Variants in NUAK2 observed in about 807,000 individuals in gnomAD.
NUAK2 encodes the protein NUAK family SNF1-like kinase 2.
NUAK2 carries 20 observed loss-of-function variants against 29.8 expected under a neutral mutation model. The ratio of observed to expected loss-of-function variants is 0.67; its 90% CI spans 0.47 to 0.98. The LOEUF is 0.98. Among genes scored for constraint, NUAK2 ranks in the 50% least tolerant of loss-of-function variants. NUAK2 has a pLI of 0.00. For missense variants in NUAK2, 719 were observed against 834.5 expected (o/e 0.86, Z 1.71); for synonymous variants, 331 against 342.6 (o/e 0.97, Z 0.37).
rs767475839 is a variant in NUAK2 at position 205,304,041 on chromosome 1, G to A, written c.1296C>T (p.Ile432=). The part of the protein sequence containing the change: ...VQEDPPELSP[I]PASPGQAAPL... Reference sequence around the variant, plus strand: ...GGGCAGCCTGCCCTGGGCTCGCAGGGATTGGGCTGAGCTCCGGAGGGTCCT... The same window carrying A: ...GGGCAGCCTGCCCTGGGCTCGCAGGAATTGGGCTGAGCTCCGGAGGGTCCT... The change falls in exon 7 of 7, where the codon ATC becomes ATT. Residue 432 remains isoleucine (I), a synonymous_variant. Coordinates refer to ENST00000367157, the MANE Select transcript of NUAK2 (RefSeq NM_030952.3). The surrounding 1 kb of genome is among the most constrained non-coding windows in gnomAD (Gnocchi z 6.5). 5 of 1,614,080 alleles carry A rather than the reference G, an allele frequency of 3.1e-6. No homozygotes were observed. The highest frequency in any genetic ancestry group is 4.2e-6 in the Non-Finnish European group (5 of 1,179,990).
chr1:205,307,325 C>A (rs1662195311), intron 4 of NUAK2, among the ~76,000 whole-genome samples: 1 of 152,190 alleles, frequency 6.6e-6, no homozygotes, highest in Non-Finnish European at 1.5e-5. Flanking sequence ...TAGGAAAGTT[C>A]ATGCCTGTCC....
intron 1 of NUAK2, among the ~76,000 whole-genome samples, chr1:205,312,465 C>T (rs1057057681): frequency 1.3e-5 from 2 of 152,172 alleles, no homozygotes; most frequent in African/African-American, 4.8e-5. Context: ...AGCAATCAGT[C>T]CCTAGCCACA....
chr1:205,303,159 GC>G lies in NUAK2; in HGVS notation c.*290del, dbSNP rs376692630. ...AGAGTTCTCTTTCCAGGTCTCTGTG[GC>G]CCCCCCATGTACACAAGAAACAGGC... On this transcript the variant is annotated 3_prime_UTR_variant, in exon 7 of 7. Transcript: ENST00000367157. 206 of 241,708 alleles carry G rather than the reference GC, an allele frequency of 8.5e-4. No homozygotes were observed. Among genetic ancestry groups the G allele is most frequent in the African/African-American group, 4.4e-3 (198 of 44,514 alleles). The allele number at this position is 241,708 out of a possible 1,614,324, so 15.0% of individuals were successfully genotyped here.
At chr1:205,320,366 G>A in intron 1 of NUAK2, among the ~76,000 whole-genome samples, 1 of 152,220 alleles carries the variant, frequency 6.6e-6, no homozygotes, top group Non-Finnish European at 1.5e-5. Context: ...CTGGGTTCAG[G>A]CCATTCTCCT....
rs1368345074 is a variant in NUAK2, at chr1:205,311,825, C to T, written c.232G>A (p.Val78Met). Residue 78 changes from valine to methionine, a missense_variant and splice_region_variant, in exon 2 of 7, where the codon GTG becomes ATG. This residue lies in a region of NUAK2 where 283 missense variants were observed against 345.6 expected (regional missense o/e 0.82). Transcript: ENST00000367157. Reference protein sequence around the residue: ...KKARESSGRLVAIKSIRKDKI... With the variant: ...KKARESSGRLMAIKSIRKDKI... ...TCCTTCCGGATTGACTTGATGGCCA[C>T]CTGGGAAGAGAAGGCATGAGAGTGA... The T allele has an allele frequency of 6.2e-7, 1 of 1,613,710 alleles. No individual in the cohort carries two copies.
chr1:205,321,698 C>G lies in NUAK2; in HGVS notation c.-70G>C. 3 of 1,287,788 alleles carry G rather than the reference C, an allele frequency of 2.3e-6. No individual in the cohort carries two copies. Among genetic ancestry groups the G allele is most frequent in the Non-Finnish European group, 3.2e-6 (3 of 923,908 alleles). 79.8% of individuals were successfully genotyped at this position (1,287,788 alleles called of 1,614,324 possible). On this transcript the variant is annotated 5_prime_UTR_variant, in exon 1 of 7. Transcript: ENST00000367157. ...GTGCGGGGAGGGCTGAAGCGCGGGG[C>G]ACAGGTCCCGCACCAGGACGGGGAG...
rs776647374 is a variant in NUAK2, at chr1:205,311,691, A to G, written c.352+14T>C. The G allele has an allele frequency of 1.2e-6, 2 of 1,614,022 alleles. No individual in the cohort carries two copies. Among genetic ancestry groups the G allele is most frequent in the South Asian group, 2.2e-5 (2 of 91,084 alleles). ...CATAGACCCCCAAGTTCCAGCTTTA[A>G]GTGCCCACTGTACCTTCATGGATGG... On this transcript the variant is annotated intron_variant, in intron 2 of 6. Transcript: ENST00000367157.
chr1:205,311,902 C>G, intron 1 of NUAK2, 77 bp from the exon 2 acceptor site: 1 of 1,586,428 alleles, frequency 6.3e-7, no homozygotes. Context: ...TGGTGGTTTG[C>G]CTGTAGCTGC....
intron 6 of NUAK2, among the ~76,000 whole-genome samples, 195 bp downstream of exon 6, chr1:205,305,004 T>G (rs1662158998): frequency 6.6e-6 from 1 of 152,224 alleles, no homozygotes; most frequent in African/African-American, 2.4e-5. Context: ...AACATGCCCC[T>G]GTGGGAAAGA....
rs374096584 is a variant in NUAK2, at chr1:205,304,351, C to T, written c.986G>A (p.Arg329His). 6.6e-5 allele frequency: 107 copies of T among 1,610,360 alleles called. No individual in the cohort carries two copies. The highest frequency in any genetic ancestry group is 1.3e-4 in the African/African-American group (10 of 74,910). Residue 329 changes from arginine (R) to histidine (H), a missense_variant, in exon 7 of 7, where the codon CGC becomes CAC. Physicochemically the swap from Arg to His is conservative, Grantham distance 29. Coordinates refer to ENST00000367157, the MANE Select transcript of NUAK2 (RefSeq NM_030952.3). The surrounding 1 kb of genome is among the most constrained non-coding windows in gnomAD (Gnocchi z 6.5). ...CCGGAGCCAGTCAGCCATGGAGGCG[C>T]GGGCAGAGTCACTGCCAGGGTGCCC... The part of the protein sequence containing the change: ...EGGHPGSDSA[R>H]ASMADWLRRS...
Position 205,303,543 on chromosome 1 carries a change from A to T in NUAK2, c.1794T>A (p.Asp598Glu). 2 of 1,613,576 alleles carry T rather than the reference A, an allele frequency of 1.2e-6. No individual in the cohort carries two copies. Among genetic ancestry groups the T allele is most frequent in the Non-Finnish European group, 1.7e-6 (2 of 1,179,934 alleles). The change falls in exon 7 of 7, where the codon GAT becomes GAA. Residue 598 changes from aspartate to glutamate, a missense_variant. Around this residue, in one of 3 missense-constraint regions of NUAK2, gnomAD observed 430 missense variants for 465.7 expected, o/e 0.92. Coordinates refer to ENST00000367157, the MANE Select transcript of NUAK2 (RefSeq NM_030952.3). ...PGSCLRRWRQ[D>E]PLGDSCFSLT... is the part of the protein sequence containing the mutation. ...GGGAAAAGCAGCTGTCCCCCAAAGG[A>T]TCCTGCCGCCAGCGCCTCAGGCAGC...
intron 1 of NUAK2, among the ~76,000 whole-genome samples, chr1:205,316,533 G>A (rs1438038871): frequency 6.6e-6 from 1 of 152,180 alleles, no homozygotes; most frequent in Non-Finnish European, 1.5e-5. Context: ...GATGAGTGAG[G>A]TTTGCTAAGC....
chr1:205,310,011 T>C (rs1490334111), intron 2 of NUAK2, among the ~76,000 whole-genome samples: 2 of 152,230 alleles, frequency 1.3e-5, no homozygotes, highest in African/African-American at 2.4e-5. Flanking sequence ...TTAGAACATG[T>C]ATGTCCCTGA....
At chr1:205,305,441 C>G in intron 5 of NUAK2, 110 bp from the exon 6 acceptor site, 1 of 1,465,378 alleles carries the variant, frequency 6.8e-7, no homozygotes, top group Non-Finnish European at 9.0e-7. Flanking sequence ...CTCTCCTACC[C>G]AGGGGCCAAG....
chr1:205,304,155 G>A lies in NUAK2; in HGVS notation c.1182C>T (p.Asp394=), dbSNP rs765344338. The part of the protein sequence containing the change: ...AQSLHSDTAD[D]TAHRPGKSNL... ...TGCTCTTGCCAGGGCGATGGGCAGT[G>A]TCATCAGCCGTGTCACTGTGGAGAG... is the stretch of plus-strand genomic sequence containing the variant. The change falls in exon 7 of 7, where the codon GAC becomes GAT. Residue 394 remains aspartate, a synonymous_variant. Transcript: ENST00000367157. This position sits in a 1 kb window ranked among gnomAD's most constrained non-coding sequence, Gnocchi z 6.5. 6.2e-7 allele frequency: 1 copy of A among 1,614,206 alleles called. No individual in the cohort carries two copies. Among genetic ancestry groups the A allele is most frequent in the Non-Finnish European group, 8.5e-7 (1 of 1,180,022 alleles).
In NUAK2 at chr1:205,308,535, T is replaced by A. The variant is rs1574891798; in HGVS notation, c.504+46A>T. On this transcript the variant is annotated intron_variant, in intron 3 of 6. Coordinates refer to ENST00000367157, the MANE Select transcript of NUAK2 (RefSeq NM_030952.3). The surrounding 1 kb of genome is among the most constrained non-coding windows in gnomAD (Gnocchi z 4.1). The stretch of plus-strand genomic sequence containing the variant: ...CTGGTCCAAAACAGCCCTAGAGCCC[T>A]GGGGACCACCCACTGAGAATATGGC... 1.3e-6 allele frequency: 2 copies of A among 1,597,584 alleles called. No homozygotes were observed. The highest frequency in any genetic ancestry group is 1.7e-6 in the Non-Finnish European group (2 of 1,166,486).
chr1:205,314,970 A>G (rs1199584392), intron 1 of NUAK2, among the ~76,000 whole-genome samples: 1 of 151,950 alleles, frequency 6.6e-6, no homozygotes, highest in African/African-American at 2.4e-5. Context: ...CACAAGTTGA[A>G]CCCCAAGATC....
chr1:205,313,076 T>C (rs768753071), intron 1 of NUAK2, among the ~76,000 whole-genome samples: 1 of 151,766 alleles, frequency 6.6e-6, no homozygotes, highest in African/African-American at 2.4e-5. Flanking sequence ...GGAGGGGAAA[T>C]GGGGAGGTGT....
At chr1:205,318,607 G>A (rs990176662) in intron 1 of NUAK2, among the ~76,000 whole-genome samples, 2 of 152,182 alleles carry the variant, frequency 1.3e-5, no homozygotes, top group Admixed American at 6.5e-5. Context: ...TTGGACTCAC[G>A]GCCCTAATGG....
Sources: gnomAD v4.1 joint callset for allele counts (sites outside exome capture counted in the v4.1 genomes callset) on GRCh38, gnomAD v4.1.1 for gene constraint, gnomAD v4.1.1 regional missense constraint, Gnocchi (gnomAD v3.1) non-coding constraint, MANE v1.5 for transcripts, NCBI Gene and HGNC (gene_info 2026-07-23, HGNC 2026-07-21) for gene names.